The following SHOX variants were observed in gnomAD, a reference collection of about 807,000 sequenced individuals.
SHOX encodes short stature homeobox protein.
Under a neutral mutation model 29.6 loss-of-function variants are expected in SHOX, and 12 were observed. That is an observed-to-expected ratio of 0.41 (90% confidence interval 0.26 to 0.66). The LOEUF is 0.66. SHOX is among the 30% of genes least tolerant of loss of function. SHOX has a pLI of 0.35. For synonymous variants in SHOX, 214 were observed against 200.6 expected, an observed-to-expected ratio of 1.07 and a Z score of -0.57; for missense variants, 499 against 437.7, an observed-to-expected ratio of 1.14 and a Z score of -1.25.
chrX:630,100 C>A (rs964602227), upstream of SHOX, among the ~76,000 whole-genome samples: 1 of 152,094 alleles, frequency 6.6e-6, no homozygotes, highest in Non-Finnish European at 1.5e-5. Flanking sequence ...GCGCTGGAGA[C>A]CCGGGAGGCG....
In SHOX at chrX:651,168, T is replaced by C; in HGVS notation, c.*6532T>C. The C allele has an allele frequency of 2.5e-6, 1 of 405,214 alleles. No individual in the cohort carries two copies. Among genetic ancestry groups the C allele is most frequent in the Non-Finnish European group, 4.9e-6 (1 of 203,310 alleles). 25.1% of individuals were successfully genotyped at this position (405,214 alleles called of 1,614,324 possible). A position where few individuals can be genotyped will look rare whatever the true frequency, so the allele number is the denominator to read the frequency against. On this transcript the variant is annotated 3_prime_UTR_variant, in exon 5 of 5. Transcript: ENST00000686671. Reference sequence around the variant, plus strand: ...CTATTTTAATTATGTCGAGTGTAAATTTGACATCGCGTTGCATTTATTTTT... The same window carrying C: ...CTATTTTAATTATGTCGAGTGTAAACTTGACATCGCGTTGCATTTATTTTT...
At chrX:630,587 C>G (rs1360891873), upstream of SHOX, 5 of 515,616 alleles carry the variant, frequency 9.7e-6, no homozygotes. Flanking sequence ...GGGATCTTTC[C>G]CCCTTCGCAC....
chrX:627,888 G>C (rs1351907833), upstream of SHOX, among the ~76,000 whole-genome samples: 1 of 152,208 alleles, frequency 6.6e-6, no homozygotes, highest in Non-Finnish European at 1.5e-5. Flanking sequence ...TCGGTAGGGA[G>C]ACAGTGAGCA....
In SHOX at chrX:649,004, T is replaced by C. The variant is rs1161383278; in HGVS notation, c.*4368T>C. Among the ~76,000 whole-genome samples, 6 of 146,682 alleles carry C rather than the reference T, an allele frequency of 4.1e-5. No homozygotes were observed. Among genetic ancestry groups the C allele is most frequent in the African/African-American group, 2.5e-5 (1 of 40,748 alleles). ...TCTCTTTTTCTTTCTCTTTTCCTTT[T>C]TTGTTTCTTTCTTTCTTTTTCTTTC... On this transcript the variant is annotated 3_prime_UTR_variant, in exon 5 of 5. Coordinates refer to ENST00000686671, the MANE Select transcript of SHOX (RefSeq NM_000451.4).
rs753028456 is a variant in SHOX, at chrX:630,884, C to T, written c.-14C>T. 1.6e-5 allele frequency: 26 copies of T among 1,612,626 alleles called. No homozygotes were observed. The South Asian group carries it at 2.6e-4, about 16-fold the overall frequency. On this transcript the variant is annotated 5_prime_UTR_variant, in exon 1 of 5. Transcript: ENST00000686671. Reference sequence around the variant, plus strand: ...TCCACCAGCCCCGGCTGCTCGCCAGCCCCGGCCCCAGCCATGGAAGAGCTC... The same window carrying T: ...TCCACCAGCCCCGGCTGCTCGCCAGTCCCGGCCCCAGCCATGGAAGAGCTC...
At chrX:626,187 T>A (rs867371997), upstream of SHOX, among the ~76,000 whole-genome samples, 17 of 116,424 alleles carry the variant, frequency 1.5e-4, 1 homozygote, top group Non-Finnish European at 1.9e-4. Flanking sequence ...TCTCTCTGTC[T>A]TCGTTCCTCT....
upstream of SHOX, among the ~76,000 whole-genome samples, chrX:630,168 T>G (rs2052620748): frequency 6.6e-6 from 1 of 152,136 alleles, no homozygotes; most frequent in Non-Finnish European, 1.5e-5. Context: ...CGTCCCGGTT[T>G]GGGGACACCC....
At chrX:644,236 G>T in intron 4 of SHOX, 155 bp from the exon 5 acceptor site, 1 of 636,292 alleles carries the variant, frequency 1.6e-6, no homozygotes, top group Non-Finnish European at 2.0e-6. Context: ...CAGGGGGAAG[G>T]AGGAAAGGCG....
Position 651,426 on chromosome X carries a change from A to G in SHOX, c.*6790A>G, listed in dbSNP as rs770802134. On this transcript the variant is annotated 3_prime_UTR_variant, in exon 5 of 5. Transcript: ENST00000686671. Reference sequence around the variant, plus strand: ...ACAAACAAACAGAAAAAAAAACCAAAAAAAACCACCCTGAGTTTCTCTGGT... The same window carrying G: ...ACAAACAAACAGAAAAAAAAACCAAGAAAAACCACCCTGAGTTTCTCTGGT... 1 of 453,780 alleles carries G rather than the reference A, an allele frequency of 2.2e-6. No individual in the cohort carries two copies. The highest frequency in any genetic ancestry group is 2.0e-5 in the African/African-American group (1 of 49,728). The allele number at this position is 453,780 out of a possible 1,614,324, so 28.1% of individuals were successfully genotyped here. A position where few individuals can be genotyped will look rare whatever the true frequency, so the allele number is the denominator to read the frequency against.
chrX:642,417 G>A (rs1487913897), intron 4 of SHOX, among the ~76,000 whole-genome samples: 1 of 152,118 alleles, frequency 6.6e-6, no homozygotes, highest in African/African-American at 2.4e-5. Context: ...CAGGGACTTG[G>A]GGGGTGGCGG....
At position 650,937 on chromosome X, in the gene SHOX, G is replaced by C. The variant is rs139566604; in HGVS notation, c.*6301G>C. Among the ~76,000 whole-genome samples, 1 of 151,646 alleles carries C rather than the reference G, an allele frequency of 6.6e-6. No individual in the cohort carries two copies. Among genetic ancestry groups the C allele is most frequent in the East Asian group, 1.9e-4 (1 of 5,136 alleles). Reference sequence around the variant, plus strand: ...TTTATTGAAATTTGATATTTAATGAGAAGCCGGTTAAGGAATGTAGACAAT... The same window carrying C: ...TTTATTGAAATTTGATATTTAATGACAAGCCGGTTAAGGAATGTAGACAAT... On this transcript the variant is annotated 3_prime_UTR_variant, in exon 5 of 5. Coordinates refer to ENST00000686671, the MANE Select transcript of SHOX (RefSeq NM_000451.4).
In SHOX at chrX:649,996, C is replaced by T. The variant is rs1344963852; in HGVS notation, c.*5360C>T. ...CGGATGTTGCTATTAGATTTTCTTTCTCCGTTCGAGTCTCTGACTGGTGCA... is the reference window on the plus strand; with the variant it reads ...CGGATGTTGCTATTAGATTTTCTTTTTCCGTTCGAGTCTCTGACTGGTGCA... On this transcript the variant is annotated 3_prime_UTR_variant, in exon 5 of 5. Coordinates refer to ENST00000686671, the MANE Select transcript of SHOX (RefSeq NM_000451.4). 1 of 455,908 alleles carries T rather than the reference C, an allele frequency of 2.2e-6. No homozygotes were observed. Among genetic ancestry groups the T allele is most frequent in the Non-Finnish European group, 4.4e-6 (1 of 226,810 alleles). 28.2% of individuals were successfully genotyped at this position (455,908 alleles called of 1,614,324 possible).
chrX:657,251 G>A (rs957460991), intron 5 of SHOX, among the ~76,000 whole-genome samples: 1 of 152,208 alleles, frequency 6.6e-6, no homozygotes, highest in African/African-American at 2.4e-5. Flanking sequence ...TTTTCCACCT[G>A]AGGAACTGTT....
chrX:641,229 C>A (rs1261056903), intron 4 of SHOX, 142 bp downstream of exon 4: 2 of 871,212 alleles, frequency 2.3e-6, no homozygotes, highest in Non-Finnish European at 3.8e-6. Flanking sequence ...AAAAAAGCCT[C>A]TTTTCCGAGG....
intron 1 of SHOX, 22 bp from the exon 2 acceptor site, chrX:634,596 G>C (rs765073824): frequency 3.1e-6 from 5 of 1,611,996 alleles, no homozygotes; most frequent in Admixed American, 3.3e-5. Flanking sequence ...CCTCAGCCCT[G>C]TGCCCTCCGC....
upstream of SHOX, among the ~76,000 whole-genome samples, chrX:628,080 T>C (rs59323935): frequency 0.2 from 9,761 of 49,738 alleles, 1,050 homozygotes; most frequent in African/African-American, 0.43. Context: ...CTCTTTCTCT[T>C]CCCCCTCCCT....
At position 630,931 on chromosome X, in the gene SHOX, T is replaced by C; in HGVS notation, c.34T>C (p.Phe12Leu). The change falls in exon 1 of 5, where the codon TTT becomes CTT. Residue 12 changes from phenylalanine to leucine, a missense_variant. By Grantham distance (22) the Phe-to-Leu change is conservative. Coordinates refer to ENST00000686671, the MANE Select transcript of SHOX (RefSeq NM_000451.4). ...EELTAFVSKS[F>L]DQKSKDGNGG... Reference sequence around the variant, plus strand: ...GCTCACGGCTTTTGTATCCAAGTCTTTTGACCAGAAAAGCAAGGACGGTAA... The same window carrying C: ...GCTCACGGCTTTTGTATCCAAGTCTCTTGACCAGAAAAGCAAGGACGGTAA... 1 of 1,613,658 alleles carries C rather than the reference T, an allele frequency of 6.2e-7. No individual in the cohort carries two copies. Among genetic ancestry groups the C allele is most frequent in the Non-Finnish European group, 8.5e-7 (1 of 1,179,810 alleles).
chrX:640,595 C>T (rs190230473), intron 2 of SHOX, among the ~76,000 whole-genome samples: 1 of 152,038 alleles, frequency 6.6e-6, no homozygotes, highest in African/African-American at 2.4e-5. Context: ...ACCACCACAA[C>T]AAAACAAAAC....
At chrX:654,973 C>G (rs1254763401), downstream of SHOX, among the ~76,000 whole-genome samples, 2 of 152,062 alleles carry the variant, frequency 1.3e-5, no homozygotes, top group Admixed American at 1.3e-4. Flanking sequence ...CAGGCGTGAG[C>G]CACCGCGCCT....
Sources: gnomAD v4.1 joint callset for allele counts (sites outside exome capture counted in the v4.1 genomes callset) on GRCh38, gnomAD v4.1.1 for gene constraint, MANE v1.5 for transcripts, NCBI Gene and HGNC (gene_info 2026-07-23, HGNC 2026-07-21) for gene names.